ECM2: variants seen among roughly 807,000 people sequenced by gnomAD.
ECM2 encodes extracellular matrix protein 2, female organ and adipocyte specific.
Under a neutral mutation model 67.5 loss-of-function variants are expected in ECM2, and 57 were observed. The ratio of observed to expected loss-of-function variants is 0.84; its 90% CI spans 0.68 to 1.05. The LOEUF (loss-of-function observed/expected upper bound fraction) is 1.05, where lower values mean the gene tolerates loss of function less well. Ranked by LOEUF, ECM2 falls within the 50% of genes least tolerant of loss-of-function variation. ECM2 has a pLI of 0.00. For missense variants in ECM2, 741 were observed against 822.8 expected, an observed-to-expected ratio of 0.90 and a Z score of 1.22; for synonymous variants, 258 against 294.5, an observed-to-expected ratio of 0.88 and a Z score of 1.27.
intron 9 of ECM2, among the ~76,000 whole-genome samples, chr9:92,500,396 T>G (rs1445387193): frequency 2.0e-5 from 3 of 152,236 alleles, no homozygotes; most frequent in Non-Finnish European, 2.9e-5. Context: ...TTGGCCAGGC[T>G]GGCCTCAGAC....
At chr9:92,517,532 C>T (rs1370064861) in intron 3 of ECM2, 155 bp downstream of exon 3, 1 of 986,666 alleles carries the variant, frequency 1.0e-6, no homozygotes, top group African/African-American at 1.6e-5. Context: ...ATACATTTTC[C>T]CAGATATTTT....
intron 2 of ECM2, among the ~76,000 whole-genome samples, chr9:92,519,391 C>A (rs1847924743): frequency 6.6e-6 from 1 of 152,096 alleles, no homozygotes; most frequent in African/African-American, 2.4e-5. Context: ...AGTTGGAGAT[C>A]TCACACTTTC....
At chr9:92,544,192 T>G in the ECM2 span, among the ~76,000 whole-genome samples, 1 of 152,354 alleles carries the variant, frequency 6.6e-6, no homozygotes, top group Non-Finnish European at 1.5e-5. Context: ...TGATCTTTAT[T>G]GGGCTGGGCG....
the ECM2 span, among the ~76,000 whole-genome samples, chr9:92,551,928 TATATATATATATATATATATATATG>T: frequency 1.5e-4 from 8 of 53,512 alleles, 1 homozygote; most frequent in African/African-American, 6.0e-4. Flanking sequence ...TGTGTGTGTA[TATATATATATATATATATATATATG>T]ATATATATAT....
the ECM2 span, among the ~76,000 whole-genome samples, chr9:92,547,490 T>A: frequency 7.9e-5 from 12 of 152,366 alleles, no homozygotes; most frequent in Non-Finnish European, 1.5e-4. Flanking sequence ...AATGTCATAC[T>A]GACACATGCT....
At chr9:92,549,497 A>G in the ECM2 span, among the ~76,000 whole-genome samples, 1 of 152,088 alleles carries the variant, frequency 6.6e-6, no homozygotes, top group Non-Finnish European at 1.5e-5. Context: ...AAATACAAAA[A>G]TTAGCTGGGC....
the ECM2 span, among the ~76,000 whole-genome samples, chr9:92,549,631 A>G: frequency 6.8e-6 from 1 of 146,574 alleles, no homozygotes; most frequent in African/African-American, 2.6e-5. Context: ...TGAGTGGGAG[A>G]GCATGACTCC....
At chr9:92,529,459 T>A (rs1342515256) in intron 1 of ECM2, among the ~76,000 whole-genome samples, 1 of 152,148 alleles carries the variant, frequency 6.6e-6, no homozygotes, top group African/African-American at 2.4e-5. Flanking sequence ...CCCTTGGTAT[T>A]TACCCAAATA....
intron 3 of ECM2, among the ~76,000 whole-genome samples, chr9:92,516,071 T>A (rs528311989): frequency 7.1e-6 from 1 of 140,330 alleles, no homozygotes; most frequent in Non-Finnish European, 1.6e-5. Flanking sequence ...ATACTTTTTT[T>A]TCCCCCCCCC....
At chr9:92,501,282 C>T (rs902813101) in intron 8 of ECM2, among the ~76,000 whole-genome samples, 3 of 151,960 alleles carry the variant, frequency 2.0e-5, no homozygotes, top group Non-Finnish European at 2.9e-5. Flanking sequence ...TGAGTCCATG[C>T]GAGAGGAGCA....
chr9:92,522,505 C>A (rs1277215135), intron 2 of ECM2, 70 bp downstream of exon 2: 20 of 1,399,678 alleles, frequency 1.4e-5, no homozygotes, highest in Non-Finnish European at 1.8e-5. Context: ...CTCCCTCTCT[C>A]CTTCTCTTTC....
intron 2 of ECM2, among the ~76,000 whole-genome samples, chr9:92,519,956 A>G (rs973427231): frequency 1.3e-5 from 2 of 150,842 alleles, no homozygotes; most frequent in East Asian, 3.9e-4. Context: ...AACTCTTACA[A>G]CTCAACTACA....
chr9:92,519,851 A>G lies in ECM2; in HGVS notation c.293-1976T>C, dbSNP rs574230936. Among the ~76,000 whole-genome samples, 9 of 152,016 alleles carry G rather than the reference A, an allele frequency of 5.9e-5. No homozygotes were observed. The South Asian group carries it at 1.9e-3, about 31-fold the overall frequency. Reference sequence around the variant, plus strand: ...TTAAAAATTTGTTGCATCAAAGGACATTGTTAAGAAAGTGAAAGGATGGTG... The same window carrying G: ...TTAAAAATTTGTTGCATCAAAGGACGTTGTTAAGAAAGTGAAAGGATGGTG... On this transcript the variant is annotated intron_variant, in intron 2 of 9. Transcript: ENST00000344604.
the ECM2 span, among the ~76,000 whole-genome samples, chr9:92,548,510 T>A: frequency 6.6e-6 from 1 of 152,138 alleles, no homozygotes; most frequent in Non-Finnish European, 1.5e-5. Context: ...ACAACACAAA[T>A]GTAGTACATC....
intron 1 of ECM2, among the ~76,000 whole-genome samples, chr9:92,526,976 A>G (rs1206327722): frequency 6.6e-6 from 1 of 152,060 alleles, no homozygotes. Context: ...TATTCTTACC[A>G]TACCTTTCCT....
At chr9:92,540,840 T>G (rs1849301687), upstream of ECM2, among the ~76,000 whole-genome samples, 1 of 151,898 alleles carries the variant, frequency 6.6e-6, no homozygotes, top group Non-Finnish European at 1.5e-5. Flanking sequence ...AGGAGATAAC[T>G]GTGAGCAGCC....
intron 1 of ECM2, among the ~76,000 whole-genome samples, chr9:92,529,102 T>G (rs766615346): frequency 6.6e-6 from 1 of 152,178 alleles, no homozygotes; most frequent in African/African-American, 2.4e-5. Context: ...AAGGGATGAA[T>G]AGCAGATTAG....
chr9:92,522,884 C>T lies in ECM2; in HGVS notation c.-18G>A. The T allele has an allele frequency of 6.3e-7, 1 of 1,579,042 alleles. No homozygotes were observed. Among genetic ancestry groups the T allele is most frequent in the Non-Finnish European group, 8.6e-7 (1 of 1,168,568 alleles). On this transcript the variant is annotated 5_prime_UTR_variant, in exon 2 of 10. Transcript: ENST00000344604. ...ATCTTCATGTTTGATTTTTTTCCAC[C>T]AGCCAATTTCTAGAATGAAACAATA...
At chr9:92,494,146 A>G, downstream of ECM2, 1 of 1,597,410 alleles carries the variant, frequency 6.3e-7, no homozygotes, top group African/African-American at 1.3e-5. Context: ...CATCTGAAAC[A>G]CAGCTGAATA....
Sources: allele counts gnomAD v4.1 joint callset (sites outside exome capture counted in the v4.1 genomes callset), GRCh38; gene constraint gnomAD v4.1.1; transcripts MANE v1.5; gene names NCBI Gene and HGNC (gene_info 2026-07-23, HGNC 2026-07-21).